The following CDK15 variants were observed in gnomAD, a reference collection of about 807,000 sequenced individuals.
CDK15 encodes cyclin dependent kinase 15, also known as cyclin-dependent kinase 15.
A neutral mutation model predicts 60.3 loss-of-function variants in CDK15; 62 were observed. The ratio of observed to expected loss-of-function variants is 1.03; its 90% CI spans 0.84 to 1.27. CDK15 has a LOEUF of 1.27. Among genes scored for constraint, CDK15 ranks in the 50% most tolerant of loss-of-function variants. The pLI, the probability that CDK15 is intolerant of heterozygous loss-of-function variation, is 0.00. For missense variants in CDK15, 541 were observed against 527.8 expected, an observed-to-expected ratio of 1.03 and a Z score of -0.25; for synonymous variants, 194 against 195.7, an observed-to-expected ratio of 0.99 and a Z score of 0.07.
intron 12 of CDK15, among the ~76,000 whole-genome samples, chr2:201,889,848 A>C (rs1574947455): frequency 6.6e-6 from 1 of 151,970 alleles, no homozygotes; most frequent in Non-Finnish European, 1.5e-5. Context: ...TCAGGAGTTC[A>C]AGACCAGCCT....
At chr2:201,822,444 C>T (rs1431284638) in intron 4 of CDK15, among the ~76,000 whole-genome samples, 1 of 152,204 alleles carries the variant, frequency 6.6e-6, no homozygotes, top group African/African-American at 2.4e-5. Context: ...ATTTCCTGCT[C>T]CTCCAAAGCC....
rs1698870846 is a variant in CDK15 at position 201,872,173 on chromosome 2, T to G, written c.1010-105T>G. The G allele has an allele frequency of 9.8e-6, 12 of 1,221,610 alleles. No homozygotes were observed. The Admixed American group carries it at 2.0e-4, about 21-fold the overall frequency. The allele number at this position is 1,221,610 out of a possible 1,614,324, so 75.7% of individuals were successfully genotyped here. ...TTAGCCTACCTGATACTTGAATCAT[T>G]TTTTTAAACCAAGCCAAGAAGAGCA... On this transcript the variant is annotated intron_variant, in intron 10 of 13. Coordinates refer to ENST00000652192, the MANE Select transcript of CDK15 (RefSeq NM_001366386.2).
intron 8 of CDK15, among the ~76,000 whole-genome samples, chr2:201,839,687 CAGAT>C (rs72059310): frequency 0.19 from 28,491 of 146,384 alleles, 2,932 homozygotes; most frequent in East Asian, 0.37. Flanking sequence ...GACAGACAGA[CAGAT>C]AGATAGATAA....
In CDK15 at chr2:201,813,320, T is replaced by C. The variant is rs187333218; in HGVS notation, c.448+758T>C. ...TACCATCAAGATAACTAATACTTTA[T>C]AACATAAACATCAAGAAGCCAACAT... On this transcript the variant is annotated intron_variant, in intron 4 of 13. Transcript: ENST00000652192. Among the ~76,000 whole-genome samples, 34 of 152,312 alleles carry C rather than the reference T, an allele frequency of 2.2e-4. No individual in the cohort carries two copies. In the East Asian group the frequency reaches 5.2e-3, roughly 23 times the overall value.
intron 6 of CDK15, among the ~76,000 whole-genome samples, chr2:201,825,718 G>A (rs1257309123): frequency 6.6e-6 from 1 of 152,202 alleles, no homozygotes; most frequent in Non-Finnish European, 1.5e-5. Flanking sequence ...TTGAGTCAGA[G>A]TTGAAGTTCT....
intron 9 of CDK15, among the ~76,000 whole-genome samples, chr2:201,851,948 C>T (rs555161977): frequency 2.6e-5 from 4 of 152,244 alleles, no homozygotes; most frequent in East Asian, 1.9e-4. Context: ...CGTGAGCCAC[C>T]GTGCCCGGCC....
At position 201,872,195 on chromosome 2, in the gene CDK15, A is replaced by G. The variant is rs979467561; in HGVS notation, c.1010-83A>G. 1.5e-5 allele frequency: 21 copies of G among 1,369,996 alleles called. No individual in the cohort carries two copies. The African/African-American group carries it at 1.7e-4, about 11-fold the overall frequency. 84.9% of individuals were successfully genotyped at this position (1,369,996 alleles called of 1,614,324 possible). A position where few individuals can be genotyped will look rare whatever the true frequency, so the allele number is the denominator to read the frequency against. The stretch of plus-strand genomic sequence containing the variant: ...CATTTTTTTAAACCAAGCCAAGAAG[A>G]GCATTTAGAATTTTAACAGTATATT... On this transcript the variant is annotated intron_variant, in intron 10 of 13. Coordinates refer to ENST00000652192, the MANE Select transcript of CDK15 (RefSeq NM_001366386.2).
At chr2:201,830,912 AG>A (rs1696724787) in intron 6 of CDK15, among the ~76,000 whole-genome samples, 1 of 152,212 alleles carries the variant, frequency 6.6e-6, no homozygotes, top group Non-Finnish European at 1.5e-5. Flanking sequence ...AGAATATTAT[AG>A]GGAAGCAGTG....
chr2:201,817,383 T>C (rs1278825972), intron 4 of CDK15, among the ~76,000 whole-genome samples: 1 of 152,224 alleles, frequency 6.6e-6, no homozygotes, highest in African/African-American at 2.4e-5. Flanking sequence ...TGATTCGTGA[T>C]GTTGAGCAAT....
intron 10 of CDK15, among the ~76,000 whole-genome samples, chr2:201,863,974 C>T (rs919501072): frequency 5.9e-5 from 9 of 152,092 alleles, no homozygotes; most frequent in East Asian, 1.9e-4. Flanking sequence ...GTTACTTTAA[C>T]GTTTTTAAAG....
At position 201,882,592 on chromosome 2, in the gene CDK15, C is replaced by T. The variant is rs550740995; in HGVS notation, c.1198+2425C>T. On this transcript the variant is annotated intron_variant, in intron 12 of 13. Transcript: ENST00000652192. The surrounding 1 kb of genome is among the most constrained non-coding windows in gnomAD (Gnocchi z 4.0). ...GAATCCCCGAGGGAGAAGATGAAAG[C>T]GCCGGTGCCAAGAGACAGGGAAAGG... is the stretch of plus-strand genomic sequence containing the variant. Among the ~76,000 whole-genome samples the T allele has an allele frequency of 6.6e-6, 1 of 151,934 alleles. No homozygotes were observed. The highest frequency in any genetic ancestry group is 2.0e-4 in the East Asian group (1 of 5,110).
intron 10 of CDK15, 66 bp from the exon 11 acceptor site, chr2:201,872,212 C>A: frequency 6.8e-7 from 1 of 1,466,136 alleles, no homozygotes; most frequent in Non-Finnish European, 9.6e-7. Flanking sequence ...AGAATTTTAA[C>A]AGTATATTTG....
At chr2:201,822,315 G>A (rs1188509220) in intron 4 of CDK15, among the ~76,000 whole-genome samples, 8 of 152,198 alleles carry the variant, frequency 5.3e-5, no homozygotes, top group Non-Finnish European at 1.2e-4. Flanking sequence ...TTTACCCCAT[G>A]CTTTTATCCC....
intron 9 of CDK15, among the ~76,000 whole-genome samples, chr2:201,849,582 C>A (rs1391395547): frequency 6.6e-6 from 1 of 151,998 alleles, no homozygotes; most frequent in Non-Finnish European, 1.5e-5. Context: ...AACACATGAT[C>A]TGTATTTTCA....
At chr2:201,827,448 AAAAG>A (rs1559120926) in intron 6 of CDK15, among the ~76,000 whole-genome samples, 1 of 152,208 alleles carries the variant, frequency 6.6e-6, no homozygotes. Flanking sequence ...CTGTCCCTAA[AAAAG>A]AAAGAAATGT....
chr2:201,821,393 C>A (rs937881302), intron 4 of CDK15, among the ~76,000 whole-genome samples: 2 of 151,844 alleles, frequency 1.3e-5, no homozygotes, highest in Non-Finnish European at 2.9e-5. Flanking sequence ...TAGAAGTGCC[C>A]CCGCTAGAAG....
rs1345871044 is a variant in CDK15, at chr2:201,857,136, G to A, written c.1009+2199G>A. Among the ~76,000 whole-genome samples the A allele has an allele frequency of 8.2e-5, 5 of 61,328 alleles. 1 individual carries two copies. Among genetic ancestry groups the A allele is most frequent in the Non-Finnish European group, 1.4e-4 (5 of 34,906 alleles). The allele number at this position is 61,328 out of a possible 152,430, so 40.2% of individuals were successfully genotyped here. On this transcript the variant is annotated intron_variant, in intron 10 of 13. Transcript: ENST00000652192. ...AGCTACTCGGGAGGCTGAGGCAGGA[G>A]AATGGCGTGAACCCGGGAAGCGGAG...
At chr2:201,861,483 T>C (rs1178976732) in intron 10 of CDK15, 2 of 984,916 alleles carry the variant, frequency 2.0e-6, no homozygotes, top group African/African-American at 3.5e-5. Flanking sequence ...TTGAATTGCA[T>C]CTGCTATAGT....
intron 12 of CDK15, among the ~76,000 whole-genome samples, chr2:201,890,170 A>G (rs1205993642): frequency 6.6e-6 from 1 of 152,132 alleles, no homozygotes; most frequent in Admixed American, 6.5e-5. Context: ...ATCACCCTCT[A>G]ACTAACGTCC....
Sources: allele counts gnomAD v4.1 joint callset (sites outside exome capture counted in the v4.1 genomes callset), GRCh38; gene constraint gnomAD v4.1.1; non-coding constraint Gnocchi (gnomAD v3.1); transcripts MANE v1.5; gene names NCBI Gene and HGNC (gene_info 2026-07-23, HGNC 2026-07-21).